The following SYNPR variants were observed in gnomAD, a reference collection of about 807,000 sequenced individuals.
The protein encoded by SYNPR is synaptoporin.
In SYNPR, 23 loss-of-function variants were observed where a neutral mutation model predicts 32.9. That is an observed-to-expected ratio of 0.70 (90% CI 0.50 to 0.99). The LOEUF is 0.99. Ranked by LOEUF, SYNPR falls within the 50% of genes least tolerant of loss-of-function variation. SYNPR has a pLI of 0.00. For synonymous variants in SYNPR, 146 were observed against 135.9 expected (o/e 1.07, Z -0.52); for missense variants, 318 against 349.3 (o/e 0.91, Z 0.71).
chr3:63,389,502 CTT>C (rs1307675154), intron 2 of SYNPR, among the ~76,000 whole-genome samples: 1 of 152,180 alleles, frequency 6.6e-6, no homozygotes, highest in Admixed American at 6.5e-5. Context: ...GACTGATACT[CTT>C]TGGTTTTTAT....
intron 2 of SYNPR, among the ~76,000 whole-genome samples, chr3:63,266,782 A>T (rs1041608166): frequency 6.6e-6 from 1 of 151,870 alleles, no homozygotes; most frequent in Non-Finnish European, 1.5e-5. Context: ...ACTTGTCAAC[A>T]TGCTGGTTAT....
Position 63,278,471 on chromosome 3 carries a change from G to A in SYNPR, c.-63G>A, listed in dbSNP as rs1046929642. The A allele has an allele frequency of 1.3e-6, 2 of 1,523,486 alleles. No homozygotes were observed. The highest frequency in any genetic ancestry group is 1.8e-6 in the Non-Finnish European group (2 of 1,132,298). 94.4% of individuals were successfully genotyped at this position (1,523,486 alleles called of 1,614,324 possible). ...GGGGCTTCTGGCCCTGAGGACGGTG[G>A]TGCCAAGCGAACTTCATTTTTAAAA... On this transcript the variant is annotated 5_prime_UTR_variant, in exon 1 of 6. The change creates a new upstream start codon in the 5' untranslated region. Coordinates refer to ENST00000478300, the MANE Select transcript of SYNPR (RefSeq NM_001130003.2).
At chr3:63,553,125 G>C (rs1702531662) in intron 3 of SYNPR, among the ~76,000 whole-genome samples, 1 of 152,124 alleles carries the variant, frequency 6.6e-6, no homozygotes, top group Admixed American at 6.5e-5. Flanking sequence ...AGTGTCTGTT[G>C]TTCCCATGTT....
intron 2 of SYNPR, among the ~76,000 whole-genome samples, chr3:63,374,776 C>T (rs2087866182): frequency 6.6e-6 from 1 of 152,118 alleles, no homozygotes; most frequent in African/African-American, 2.4e-5. Flanking sequence ...CTCTACACAG[C>T]CTCCCTCAAA....
intron 2 of SYNPR, among the ~76,000 whole-genome samples, chr3:63,436,808 T>C (rs1700092543): frequency 6.6e-6 from 1 of 152,088 alleles, no homozygotes; most frequent in African/African-American, 2.4e-5. Flanking sequence ...CGGATTTCCA[T>C]ACTCCCTGAT....
intron 1 of SYNPR, among the ~76,000 whole-genome samples, chr3:63,234,695 G>T (rs1296613158): frequency 6.6e-6 from 1 of 152,166 alleles, no homozygotes; most frequent in African/African-American, 2.4e-5. Context: ...AATATCTATT[G>T]AAATGAAGGC....
intron 3 of SYNPR, among the ~76,000 whole-genome samples, chr3:63,518,343 T>C (rs1279001655): frequency 6.6e-6 from 1 of 152,090 alleles, no homozygotes; most frequent in East Asian, 1.9e-4. Context: ...AATTCTTGAC[T>C]GCAAATATCC....
At chr3:63,245,462 T>C (rs1412497831) in intron 1 of SYNPR, among the ~76,000 whole-genome samples, 1 of 152,014 alleles carries the variant, frequency 6.6e-6, no homozygotes, top group East Asian at 1.9e-4. Context: ...GTGGGCATTT[T>C]TGGTGATAGA....
At chr3:63,291,828 TTCTC>T (rs140571848) in intron 2 of SYNPR, among the ~76,000 whole-genome samples, 7,187 of 149,672 alleles carry the variant, frequency 0.048, 203 homozygotes, top group Middle Eastern at 0.081. Context: ...GTTTCTTTCT[TTCTC>T]TCTCTCTCTC....
upstream of SYNPR, among the ~76,000 whole-genome samples, chr3:63,226,061 A>G (rs539558186): frequency 1.2e-4 from 19 of 152,356 alleles, no homozygotes; most frequent in African/African-American, 1.9e-4. Context: ...AGATTTCTCA[A>G]AAGAAGACAT....
chr3:63,224,090 T>C (rs1344694202), upstream of SYNPR, among the ~76,000 whole-genome samples: 1 of 152,230 alleles, frequency 6.6e-6, no homozygotes, highest in African/African-American at 2.4e-5. Flanking sequence ...GAGAATTTTC[T>C]GTTGAAGGAG....
chr3:63,271,506 G>A (rs918163746), intron 3 of SYNPR, among the ~76,000 whole-genome samples: 4 of 152,096 alleles, frequency 2.6e-5, no homozygotes, highest in African/African-American at 9.7e-5. Context: ...AAAGACTGGA[G>A]AATATAATAA....
In SYNPR at chr3:63,288,627, G is replaced by A. The variant is rs564286031; in HGVS notation, c.84+9885G>A. On this transcript the variant is annotated intron_variant, in intron 2 of 5. Transcript: ENST00000478300. ...ATTAGGTTTTGCCTAATGATAAGAT[G>A]ATTTGTGAATAAAAATGTATTCCCT... 4.9e-4 allele frequency among the ~76,000 whole-genome samples: 75 copies of A among 152,238 alleles called. 1 individual carries two copies. The highest frequency in any genetic ancestry group is 1.5e-3 in the African/African-American group (64 of 41,542).
chr3:63,303,221 C>T (rs1425832276), intron 2 of SYNPR, among the ~76,000 whole-genome samples: 2 of 140,544 alleles, frequency 1.4e-5, no homozygotes, highest in East Asian at 1.9e-4. Flanking sequence ...CTTATGTGAC[C>T]TTATCACTTC....
chr3:63,228,694 AAG>A (rs1198991175), intron 1 of SYNPR, among the ~76,000 whole-genome samples: 4 of 152,060 alleles, frequency 2.6e-5, no homozygotes, highest in Non-Finnish European at 5.9e-5. Flanking sequence ...AGAACAAAGA[AAG>A]AGAGAATTTC....
At chr3:63,504,683 A>G (rs73831869) in intron 3 of SYNPR, among the ~76,000 whole-genome samples, 5,472 of 152,236 alleles carry the variant, frequency 0.036, 179 homozygotes, top group East Asian at 0.18. Flanking sequence ...ATATGTCTTG[A>G]TCTATGCTTG....
the SYNPR span, among the ~76,000 whole-genome samples, chr3:63,223,070 C>T: frequency 6.6e-6 from 1 of 152,210 alleles, no homozygotes; most frequent in East Asian, 1.9e-4. Flanking sequence ...ATGGGCTCCA[C>T]GCTACTCACA....
intron 2 of SYNPR, among the ~76,000 whole-genome samples, chr3:63,476,163 G>C (rs796477547): frequency 3.0e-5 from 1 of 33,122 alleles, no homozygotes; most frequent in Non-Finnish European, 6.4e-5. Context: ...GGGAGGGAGG[G>C]AGGGAGGGAG....
At chr3:63,254,518 A>G (rs2086365455) in intron 2 of SYNPR, among the ~76,000 whole-genome samples, 1 of 152,154 alleles carries the variant, frequency 6.6e-6, no homozygotes, top group Non-Finnish European at 1.5e-5. Flanking sequence ...CAATTTTATG[A>G]TATATTATGT....
Sources: gnomAD v4.1 joint callset for allele counts (sites outside exome capture counted in the v4.1 genomes callset) on GRCh38, gnomAD v4.1.1 for gene constraint, MANE v1.5 for transcripts, NCBI Gene and HGNC (gene_info 2026-07-23, HGNC 2026-07-21) for gene names.